The following BCAR3 variants were observed in gnomAD, a reference collection of about 807,000 sequenced individuals.
BCAR3 encodes breast cancer anti-estrogen resistance protein 3.
In BCAR3, 37 loss-of-function variants were observed where a neutral mutation model predicts 80.1. The observed-to-expected ratio is 0.46, with a 90% CI of 0.36 to 0.61. The LOEUF (loss-of-function observed/expected upper bound fraction) is 0.61, where lower values mean the gene tolerates loss of function less well. BCAR3 is among the 20% of genes least tolerant of loss of function. The probability of loss-of-function intolerance (pLI) is 0.00; values close to 1 mark genes in which losing one functional copy is unlikely to be tolerated. For synonymous variants in BCAR3, 389 were observed against 418.9 expected (o/e 0.93, Z 0.87); for missense variants, 978 against 1,068.2 (o/e 0.92, Z 1.18).
chr1:93,846,787 A>G lies in BCAR3; in HGVS notation c.-209+283T>C, dbSNP rs749867124. 9 of 450,096 alleles carry G rather than the reference A, an allele frequency of 2.0e-5. No individual in the cohort carries two copies. In the East Asian group the frequency reaches 7.9e-4, roughly 39 times the overall value. The allele number at this position is 450,096 out of a possible 1,614,324, so 27.9% of individuals were successfully genotyped here. On this transcript the variant is annotated intron_variant, in intron 1 of 13. Coordinates refer to the BCAR3 transcript ENST00000370244. Reference sequence around the variant, plus strand: ...GCAGCTGCGCGGCGTCCTTGGAGGCAGGTGCTGGCGGCAAGACGAGCTCTC... The same window carrying G: ...GCAGCTGCGCGGCGTCCTTGGAGGCGGGTGCTGGCGGCAAGACGAGCTCTC...
At chr1:93,711,774 T>C (rs1186091973) in intron 2 of BCAR3, among the ~76,000 whole-genome samples, 1 of 152,224 alleles carries the variant, frequency 6.6e-6, no homozygotes, top group African/African-American at 2.4e-5. Context: ...GTCCTCATCT[T>C]GTTCTTAGCC....
chr1:93,636,499 G>A (rs1032168907), intron 3 of BCAR3, among the ~76,000 whole-genome samples: 2 of 151,396 alleles, frequency 1.3e-5, no homozygotes, highest in African/African-American at 4.9e-5. Flanking sequence ...GCGGGCAAGC[G>A]TGCTGTTTAC....
chr1:93,822,666 AG>A (rs1654269939), intron 2 of BCAR3, among the ~76,000 whole-genome samples: 1 of 152,170 alleles, frequency 6.6e-6, no homozygotes, highest in Admixed American at 6.6e-5. Flanking sequence ...GGCTGGAGAA[AG>A]GCACTTGAGT....
At chr1:93,712,461 C>T (rs2101980729) in intron 2 of BCAR3, among the ~76,000 whole-genome samples, 1 of 152,300 alleles carries the variant, frequency 6.6e-6, no homozygotes, top group South Asian at 2.1e-4. Flanking sequence ...CTCAGGTTTC[C>T]AGAGGTCCAG....
At chr1:93,635,009 G>A (rs965396711) in intron 3 of BCAR3, among the ~76,000 whole-genome samples, 4 of 152,136 alleles carry the variant, frequency 2.6e-5, no homozygotes, top group African/African-American at 9.7e-5. Context: ...CAAGGCAGGA[G>A]GAAGGCCAGA....
chr1:93,694,156 G>C (rs898810580), intron 3 of BCAR3, among the ~76,000 whole-genome samples: 2 of 152,352 alleles, frequency 1.3e-5, no homozygotes, highest in Admixed American at 6.5e-5. Flanking sequence ...GCCTTGCCCA[G>C]CTCCTGGTGG....
chr1:93,846,442 G>A (rs1295054196), intron 1 of BCAR3, among the ~76,000 whole-genome samples: 1 of 152,222 alleles, frequency 6.6e-6, no homozygotes, highest in East Asian at 1.9e-4. Flanking sequence ...TGCAGTCGCA[G>A]AGCAACCACG....
chr1:93,629,523 A>G (rs1486097398), intron 3 of BCAR3, among the ~76,000 whole-genome samples: 1 of 152,240 alleles, frequency 6.6e-6, no homozygotes, highest in African/African-American at 2.4e-5. Context: ...ATTTTCATGT[A>G]TTGTAAACAC....
intron 2 of BCAR3, chr1:93,753,631 T>A (rs1296689560): frequency 6.8e-6 from 1 of 146,530 alleles, no homozygotes; most frequent in Non-Finnish European, 1.5e-5. Context: ...GGGACTTTAA[T>A]GGGGAGCTCA....
chr1:93,625,411 C>G (rs1451369141), intron 3 of BCAR3, among the ~76,000 whole-genome samples: 2 of 152,146 alleles, frequency 1.3e-5, no homozygotes, highest in Non-Finnish European at 2.9e-5. Context: ...GACAGGAGGG[C>G]ACTGAACCAG....
intron 2 of BCAR3, among the ~76,000 whole-genome samples, chr1:93,669,986 G>A (rs980029955): frequency 6.6e-6 from 1 of 152,158 alleles, no homozygotes; most frequent in Admixed American, 6.5e-5. Flanking sequence ...AGGGTGCAGT[G>A]TATACTGCTT....
intron 3 of BCAR3, among the ~76,000 whole-genome samples, chr1:93,690,508 G>A (rs1213005641): frequency 2.0e-5 from 3 of 152,180 alleles, no homozygotes; most frequent in Non-Finnish European, 4.4e-5. Context: ...AAGGAGCTGA[G>A]CTCTGAACCC....
At chr1:93,654,410 C>T (rs909226129) in intron 2 of BCAR3, among the ~76,000 whole-genome samples, 19 of 152,208 alleles carry the variant, frequency 1.2e-4, no homozygotes, top group African/African-American at 4.6e-4. Context: ...AGCCAGGAAA[C>T]AGAGACTTCA....
Position 93,567,321 on chromosome 1 carries a change from C to T in BCAR3, c.2257G>A (p.Ala753Thr). 2 of 1,614,204 alleles carry T rather than the reference C, an allele frequency of 1.2e-6. No homozygotes were observed. The highest frequency in any genetic ancestry group is 2.7e-5 in the African/African-American group (2 of 75,052). ...HLATARFMAE[A>T]ADSYRMNAER... is the part of the protein sequence containing the mutation. The stretch of plus-strand genomic sequence containing the variant: ...GCATTCATCCGGTAGCTGTCTGCAG[C>T]CTCGGCCATGAATCGCGCTGTTGCC... Residue 753 changes from alanine to threonine, a missense_variant, in exon 11 of 12, where the codon GCT (alanine) becomes ACT (threonine). Ala to Thr is a moderately conservative substitution (Grantham distance 58). Transcript: ENST00000260502.
intron 2 of BCAR3, among the ~76,000 whole-genome samples, chr1:93,672,332 C>G (rs1571030244): frequency 6.6e-6 from 1 of 152,078 alleles, no homozygotes; most frequent in African/African-American, 2.4e-5. Context: ...CCCCACCCAC[C>G]CCCCTAGTGT....
intron 2 of BCAR3, among the ~76,000 whole-genome samples, chr1:93,780,970 C>G (rs1652742080): frequency 2.0e-5 from 3 of 152,220 alleles, no homozygotes; most frequent in Non-Finnish European, 1.5e-5. Flanking sequence ...TGCCCTGGGT[C>G]AAGTGGGGCT....
At chr1:93,683,787 AC>A (rs1648883152), upstream of BCAR3, among the ~76,000 whole-genome samples, 1 of 152,258 alleles carries the variant, frequency 6.6e-6, no homozygotes, top group Non-Finnish European at 1.5e-5. Flanking sequence ...GTGGATTATG[AC>A]AGAAAGGGAT....
At chr1:93,731,341 G>GT (rs1487798513) in intron 2 of BCAR3, among the ~76,000 whole-genome samples, 1 of 152,210 alleles carries the variant, frequency 6.6e-6, no homozygotes, top group Non-Finnish European at 1.5e-5. Context: ...AATATAACAG[G>GT]TTAACAACAG....
intron 2 of BCAR3, among the ~76,000 whole-genome samples, chr1:93,652,031 T>A (rs1041103335): frequency 3.9e-5 from 6 of 152,202 alleles, no homozygotes; most frequent in African/African-American, 1.4e-4. Context: ...GAGGGGGTAT[T>A]TGGCACTTCC....
Sources: gnomAD v4.1 joint callset for allele counts (sites outside exome capture counted in the v4.1 genomes callset) on GRCh38, gnomAD v4.1.1 for gene constraint, MANE v1.5 for transcripts, NCBI Gene and HGNC (gene_info 2026-07-23, HGNC 2026-07-21) for gene names.